Variants in ENOX1 observed in about 807,000 individuals in gnomAD.
ENOX1 encodes candidate growth-related and time keeping constitutive hydroquinone (NADH) oxidase.
In ENOX1, 42 loss-of-function variants were observed where a neutral mutation model predicts 82.5. That is an observed-to-expected ratio of 0.51 (90% CI 0.40 to 0.66). ENOX1 has a LOEUF of 0.66. Among genes scored for constraint, ENOX1 ranks in the 30% least tolerant of loss-of-function variants. ENOX1 has a pLI of 0.00. For missense variants in ENOX1, 608 were observed against 811.6 expected, an observed-to-expected ratio of 0.75 and a Z score of 3.05; for synonymous variants, 271 against 282.2, an observed-to-expected ratio of 0.96 and a Z score of 0.40.
At chr13:43,647,730 A>G (rs1319992671) in intron 2 of ENOX1, among the ~76,000 whole-genome samples, 1 of 152,210 alleles carries the variant, frequency 6.6e-6, no homozygotes, top group Non-Finnish European at 1.5e-5. Flanking sequence ...ATTTCCTGGA[A>G]CCCATGAATA....
intron 2 of ENOX1, among the ~76,000 whole-genome samples, chr13:43,584,115 GA>G (rs1374971181): frequency 6.6e-6 from 1 of 152,160 alleles, no homozygotes; most frequent in Admixed American, 6.5e-5. Context: ...TCCAGACCAA[GA>G]AACTCTAATT....
chr13:43,499,316 T>C (rs1428422797), intron 2 of ENOX1, among the ~76,000 whole-genome samples: 3 of 152,118 alleles, frequency 2.0e-5, no homozygotes, highest in African/African-American at 7.2e-5. Context: ...TAGTTAATTG[T>C]ATTGTGTAAA....
rs568201241 is a variant in ENOX1, at chr13:43,344,668, C to A, written c.906G>T (p.Gln302His). The A allele has an allele frequency of 6.2e-7, 1 of 1,614,168 alleles. No homozygotes were observed. The highest frequency in any genetic ancestry group is 1.7e-5 in the Admixed American group (1 of 60,016). Residue 302 changes from glutamine to histidine, a missense_variant, in exon 9 of 17, where the codon CAG becomes CAT. Physicochemically the swap from Gln to His is conservative, Grantham distance 24. Transcript: ENST00000690772. ...TGGCCGACTGCACCATGGAATAGAA[C>A]TGGTTTGCAGAGCGCCGATTCACTT... is the stretch of plus-strand genomic sequence containing the variant. ...RGEVNRRSAN[Q>H]FYSMVQSANS...
intron 1 of ENOX1, among the ~76,000 whole-genome samples, chr13:43,779,927 C>T (rs546863493): frequency 8.5e-5 from 13 of 152,166 alleles, no homozygotes; most frequent in Non-Finnish European, 1.6e-4. Flanking sequence ...GAGGCCAAGG[C>T]GGGCAGATCA....
chr13:43,479,206 G>A (rs1224195313), intron 3 of ENOX1, among the ~76,000 whole-genome samples: 2 of 152,118 alleles, frequency 1.3e-5, no homozygotes, highest in African/African-American at 4.8e-5. Context: ...AAGGGAGAGA[G>A]CAGTTAGGCT....
intron 2 of ENOX1, among the ~76,000 whole-genome samples, chr13:43,558,232 C>T (rs180782126): frequency 2.0e-5 from 3 of 152,328 alleles, no homozygotes; most frequent in African/African-American, 4.8e-5. Context: ...GCCCCTTCTG[C>T]TCCCCAATAA....
intron 14 of ENOX1, among the ~76,000 whole-genome samples, chr13:43,260,576 T>C (rs1172053740): frequency 1.3e-5 from 2 of 152,144 alleles, no homozygotes; most frequent in African/African-American, 4.8e-5. Flanking sequence ...TCCCTCCTCA[T>C]CCTTCCCCTC....
At chr13:43,768,719 C>T (rs1054725569) in intron 1 of ENOX1, among the ~76,000 whole-genome samples, 9 of 152,164 alleles carry the variant, frequency 5.9e-5, no homozygotes, top group African/African-American at 2.2e-4. Context: ...ATTACTTTAT[C>T]TCATCTATTT....
chr13:43,595,842 C>A (rs2081445756), intron 2 of ENOX1, among the ~76,000 whole-genome samples: 1 of 152,170 alleles, frequency 6.6e-6, no homozygotes, highest in Admixed American at 6.5e-5. Context: ...CTTTTCTTTA[C>A]CAGTCATTAG....
intron 11 of ENOX1, among the ~76,000 whole-genome samples, chr13:43,314,204 G>GC (rs2153520593): frequency 6.6e-6 from 1 of 152,288 alleles, no homozygotes; most frequent in African/African-American, 2.4e-5. Flanking sequence ...GATATCAAGA[G>GC]CATTCAGTCA....
intron 2 of ENOX1, among the ~76,000 whole-genome samples, chr13:43,588,286 T>C (rs2081084709): frequency 6.6e-6 from 1 of 152,212 alleles, no homozygotes; most frequent in Non-Finnish European, 1.5e-5. Flanking sequence ...GATAAGTGCT[T>C]TGGAGTGAAA....
At chr13:43,620,435 T>C (rs1439744993) in intron 2 of ENOX1, among the ~76,000 whole-genome samples, 1 of 152,136 alleles carries the variant, frequency 6.6e-6, no homozygotes, top group African/African-American at 2.4e-5. Context: ...AAGGTTTTGA[T>C]AGGTTGTGTC....
At chr13:43,234,919 G>A (rs1015544472) in intron 15 of ENOX1, among the ~76,000 whole-genome samples, 7 of 152,138 alleles carry the variant, frequency 4.6e-5, no homozygotes, top group Non-Finnish European at 1.0e-4. Flanking sequence ...GCTATCTCTA[G>A]TGAAAGGAAG....
intron 2 of ENOX1, among the ~76,000 whole-genome samples, chr13:43,561,561 G>T (rs1314168107): frequency 6.6e-6 from 1 of 152,066 alleles, no homozygotes; most frequent in Non-Finnish European, 1.5e-5. Flanking sequence ...AGTAAATGTG[G>T]CATATCAATA....
At chr13:43,332,450 C>T (rs892804895) in intron 9 of ENOX1, among the ~76,000 whole-genome samples, 2 of 152,168 alleles carry the variant, frequency 1.3e-5, no homozygotes, top group African/African-American at 4.8e-5. Flanking sequence ...CAGTTCCTAA[C>T]AGGCCATGGA....
intron 3 of ENOX1, among the ~76,000 whole-genome samples, chr13:43,463,600 T>A (rs775769942): frequency 3.9e-5 from 6 of 152,186 alleles, no homozygotes; most frequent in Non-Finnish European, 7.4e-5. Context: ...AAAGCAACAC[T>A]ACAGTACTTA....
chr13:43,505,256 T>C (rs1022530994), intron 2 of ENOX1, among the ~76,000 whole-genome samples: 4 of 151,732 alleles, frequency 2.6e-5, no homozygotes, highest in African/African-American at 9.7e-5. Context: ...TTGGAGTGAA[T>C]GAGGAAATGC....
chr13:43,692,428 T>C (rs1043368517), intron 1 of ENOX1, among the ~76,000 whole-genome samples: 1 of 152,148 alleles, frequency 6.6e-6, no homozygotes, highest in African/African-American at 2.4e-5. Context: ...ATACATTTGA[T>C]TGCACAAATA....
At chr13:43,362,356 C>T (rs2050580190) in intron 5 of ENOX1, among the ~76,000 whole-genome samples, 1 of 152,028 alleles carries the variant, frequency 6.6e-6, no homozygotes, top group Non-Finnish European at 1.5e-5. Context: ...CAAGGGGATC[C>T]CGTTCATGAG....
Sources: gnomAD v4.1 joint callset for allele counts (sites outside exome capture counted in the v4.1 genomes callset) on GRCh38, gnomAD v4.1.1 for gene constraint, MANE v1.5 for transcripts, NCBI Gene and HGNC (gene_info 2026-07-23, HGNC 2026-07-21) for gene names.